Variants in NRP1 observed in about 807,000 individuals in gnomAD.
The protein encoded by NRP1 is neuropilin 1.
A neutral mutation model predicts 106.7 loss-of-function variants in NRP1; 35 were observed. That is an observed-to-expected ratio of 0.33 (90% CI 0.25 to 0.43). The LOEUF is 0.43. Among genes scored for constraint, NRP1 ranks in the 20% least tolerant of loss-of-function variants. The pLI is 1.00. For synonymous variants in NRP1, 437 were observed against 417.9 expected (o/e 1.05, Z -0.56); for missense variants, 1,024 against 1,170.4 (o/e 0.87, Z 1.83).
intron 2 of NRP1, among the ~76,000 whole-genome samples, chr10:33,310,113 A>T (rs1410742039): frequency 6.6e-6 from 1 of 151,154 alleles, no homozygotes; most frequent in Admixed American, 6.6e-5. Context: ...ACGCCCGGCT[A>T]ATTTTTTTTG....
chr10:33,288,808 A>C (rs995086575), intron 2 of NRP1, among the ~76,000 whole-genome samples: 1 of 152,130 alleles, frequency 6.6e-6, no homozygotes, highest in Admixed American at 6.5e-5. Context: ...CCTCTCCTTG[A>C]ATGTATAAAA....
intron 2 of NRP1, among the ~76,000 whole-genome samples, chr10:33,294,952 C>G (rs551223635): frequency 2.6e-5 from 4 of 152,180 alleles, no homozygotes; most frequent in African/African-American, 9.7e-5. Flanking sequence ...CACCTATATA[C>G]TACATCAACT....
intron 11 of NRP1, among the ~76,000 whole-genome samples, chr10:33,199,758 A>T (rs1837130069): frequency 6.6e-6 from 1 of 152,142 alleles, no homozygotes; most frequent in Non-Finnish European, 1.5e-5. Flanking sequence ...CCTACCATGG[A>T]AAGTTCTGGA....
intron 6 of NRP1, among the ~76,000 whole-genome samples, chr10:33,235,526 A>G (rs924433526): frequency 6.6e-6 from 1 of 152,264 alleles, no homozygotes; most frequent in African/African-American, 2.4e-5. Context: ...CACATTTAAG[A>G]CAAATATGAG....
At chr10:33,235,455 T>A (rs745797398) in intron 6 of NRP1, among the ~76,000 whole-genome samples, 9 of 152,358 alleles carry the variant, frequency 5.9e-5, no homozygotes, top group African/African-American at 9.6e-5. Flanking sequence ...AGGCCTTTGT[T>A]TGAGAGCAAC....
chr10:33,182,465 G>C (rs1835745178), intron 16 of NRP1, among the ~76,000 whole-genome samples: 2 of 152,138 alleles, frequency 1.3e-5, no homozygotes, highest in Admixed American at 1.3e-4. Flanking sequence ...GGCTCAACCA[G>C]GTGTACAAGC....
intron 2 of NRP1, among the ~76,000 whole-genome samples, chr10:33,311,013 A>AT (rs1846571521): frequency 6.6e-6 from 1 of 152,230 alleles, no homozygotes; most frequent in Admixed American, 6.5e-5. Context: ...AAGGCCTGTC[A>AT]TTCCAGAGTA....
In NRP1 at chr10:33,221,805, A is replaced by C. The variant is rs1839263469; in HGVS notation, c.1196T>G (p.Leu399Arg). ...DVVVAVFPKP[L>R]ITRFVRIKPA... Reference sequence around the variant, plus strand: ...CTTGATTCGGACAAATCGAGTTATCAGTGGTTTGGGGAATACTGCAACCAC... The same window carrying C: ...CTTGATTCGGACAAATCGAGTTATCCGTGGTTTGGGGAATACTGCAACCAC... The change falls in exon 8 of 17, where the codon CTG (leucine) becomes CGG (arginine). Residue 399 changes from leucine (L) to arginine (R), a missense_variant. Coordinates refer to ENST00000374867, the MANE Select transcript of NRP1 (RefSeq NM_003873.7). 1 of 1,614,090 alleles carries C rather than the reference A, an allele frequency of 6.2e-7. No homozygotes were observed. The highest frequency in any genetic ancestry group is 8.5e-7 in the Non-Finnish European group (1 of 1,179,980).
rs114785602 is a variant in NRP1 at position 33,259,027 on chromosome 10, C to T, written c.659-2556G>A. ...GGGGTCGTCCTCTGATCGCCACAGC[C>T]GCTGACCTCCCCCAGAATACAAGCT... is the stretch of plus-strand genomic sequence containing the variant. On this transcript the variant is annotated intron_variant, in intron 4 of 16. Transcript: ENST00000374867. Among the ~76,000 whole-genome samples the T allele has an allele frequency of 1.9e-3, 289 of 152,272 alleles. 1 individual carries two copies. Among genetic ancestry groups the T allele is most frequent in the African/African-American group, 6.6e-3 (274 of 41,550 alleles).
intron 9 of NRP1, among the ~76,000 whole-genome samples, chr10:33,209,959 G>A (rs920904284): frequency 3.3e-5 from 5 of 152,252 alleles, no homozygotes; most frequent in African/African-American, 1.2e-4. Flanking sequence ...GCCATGCCCA[G>A]TAGCTGTGTC....
chr10:33,179,970 T>C lies in NRP1; in HGVS notation c.*106A>G. 1 of 1,165,360 alleles carries C rather than the reference T, an allele frequency of 8.6e-7. No homozygotes were observed. Among genetic ancestry groups the C allele is most frequent in the Middle Eastern group, 2.0e-4 (1 of 4,952 alleles). The allele number at this position is 1,165,360 out of a possible 1,614,324, so 72.2% of individuals were successfully genotyped here. On this transcript the variant is annotated 3_prime_UTR_variant, in exon 17 of 17. Transcript: ENST00000374867. ...TCCTGAGAAAAGCCTGGCTCAGTGG[T>C]CATCAACACACTTCCCAGCCTGTAT... is the stretch of plus-strand genomic sequence containing the variant.
intron 12 of NRP1, among the ~76,000 whole-genome samples, chr10:33,194,216 C>T (rs773996631): frequency 4.6e-5 from 7 of 152,138 alleles, no homozygotes; most frequent in South Asian, 2.1e-4. Context: ...TGGATGCCAA[C>T]GCCCATGACC....
chr10:33,185,611 C>T lies in NRP1; in HGVS notation c.2431+17G>A, dbSNP rs568256458. On this transcript the variant is annotated intron_variant, in intron 15 of 16. Transcript: ENST00000374867. ...TGGGCAAGCACTCCATTGGTTTCTACAGCAGCTCATACTTACTTGCACAAT... is the reference window on the plus strand; with the variant it reads ...TGGGCAAGCACTCCATTGGTTTCTATAGCAGCTCATACTTACTTGCACAAT... 4.4e-6 allele frequency: 7 copies of T among 1,577,526 alleles called. No homozygotes were observed. The African/African-American group carries it at 5.4e-5, about 12-fold the overall frequency.
intron 2 of NRP1, among the ~76,000 whole-genome samples, chr10:33,296,542 C>A (rs754729986): frequency 1.3e-5 from 2 of 152,118 alleles, no homozygotes; most frequent in Admixed American, 6.5e-5. Context: ...TGATCCCCAG[C>A]AGTAACTGCT....
chr10:33,278,138 A>AT (rs144809257), intron 2 of NRP1, among the ~76,000 whole-genome samples: 57 of 150,258 alleles, frequency 3.8e-4, no homozygotes, highest in African/African-American at 1.2e-3. Flanking sequence ...GTGTAAGGTG[A>AT]TTTTTTTTTT....
At chr10:33,312,801 GT>G (rs926253142) in intron 2 of NRP1, among the ~76,000 whole-genome samples, 10 of 150,888 alleles carry the variant, frequency 6.6e-5, no homozygotes, top group Admixed American at 2.0e-4. Context: ...TTCCTTTGTG[GT>G]TTTTTTTTCA....
At position 33,207,688 on chromosome 10, in the gene NRP1, G is replaced by A. The variant is rs201841993; in HGVS notation, c.1643C>T (p.Thr548Ile). ...AGCTGGAAAAGTCCGCAGCTCAGGT[G>A]TATCATAGTTGTTGTTGCCCTCAAA... is the stretch of plus-strand genomic sequence containing the variant. ...KSFEGNNNYD[T>I]PELRTFPALS... The change falls in exon 10 of 17, where the codon ACA becomes ATA. Residue 548 changes from threonine (T) to isoleucine (I), a missense_variant. Thr to Ile is a moderately conservative substitution (Grantham distance 89). Coordinates refer to ENST00000374867, the MANE Select transcript of NRP1 (RefSeq NM_003873.7). 131 of 1,613,880 alleles carry A rather than the reference G, an allele frequency of 8.1e-5. No homozygotes were observed. In the East Asian group the frequency reaches 2.9e-3, roughly 35 times the overall value.
intron 2 of NRP1, among the ~76,000 whole-genome samples, chr10:33,309,943 T>C (rs1846450861): frequency 7.2e-6 from 1 of 139,760 alleles, no homozygotes; most frequent in South Asian, 2.4e-4. Flanking sequence ...TCTCTTGCTG[T>C]ATTTGCCTTT....
chr10:33,180,212 A>G lies in NRP1; in HGVS notation c.2636T>C (p.Leu879Pro). The change falls in exon 17 of 17, where the codon CTG (leucine) becomes CCG (proline). Residue 879 changes from leucine (L) to proline (P), a missense_variant. Physicochemically the swap from Leu to Pro is moderately conservative, Grantham distance 98. Around this residue, in one of 5 missense-constraint regions of NRP1, gnomAD observed 164 missense variants for 161.4 expected, o/e 1.02. Coordinates refer to ENST00000374867, the MANE Select transcript of NRP1 (RefSeq NM_003873.7). ...CCCATTATGCCAACAGGCACAGTAC[A>G]GCACGACCCCACAGACAGCCCCCAG... is the stretch of plus-strand genomic sequence containing the variant. ...VLLGAVCGVV[L>P]YCACWHNGMS... 1 of 1,614,176 alleles carries G rather than the reference A, an allele frequency of 6.2e-7. No homozygotes were observed. The highest frequency in any genetic ancestry group is 1.6e-4 in the Middle Eastern group (1 of 6,062).
Sources: gnomAD v4.1 joint callset for allele counts (sites outside exome capture counted in the v4.1 genomes callset) on GRCh38, gnomAD v4.1.1 for gene constraint, gnomAD v4.1.1 regional missense constraint, MANE v1.5 for transcripts, NCBI Gene and HGNC (gene_info 2026-07-23, HGNC 2026-07-21) for gene names.